The following ANKRD10 variants were observed in gnomAD, a reference collection of about 807,000 sequenced individuals.
The protein encoded by ANKRD10 is ankyrin repeat domain 10, also known as ankyrin repeat domain-containing protein 10.
ANKRD10 carries 14 observed loss-of-function variants against 27.0 expected under a neutral mutation model. The observed-to-expected ratio is 0.52, with a 90% CI of 0.34 to 0.81. ANKRD10 has a LOEUF of 0.81. ANKRD10 is among the 40% of genes least tolerant of loss of function. The probability of loss-of-function intolerance (pLI) is 0.01; values close to 1 mark genes in which losing one functional copy is unlikely to be tolerated. For synonymous variants in ANKRD10, 250 were observed against 224.5 expected (o/e 1.11, Z -1.01); for missense variants, 493 against 544.0 (o/e 0.91, Z 0.93).
intron 1 of ANKRD10, among the ~76,000 whole-genome samples, chr13:110,911,237 G>A (rs932065635): frequency 6.6e-6 from 1 of 151,842 alleles, no homozygotes; most frequent in Non-Finnish European, 1.5e-5. Flanking sequence ...ATCACTTGAG[G>A]TCAGGAATTC....
intron 3 of ANKRD10, among the ~76,000 whole-genome samples, chr13:110,905,662 G>A (rs1036391375): frequency 2.6e-5 from 4 of 152,294 alleles, no homozygotes; most frequent in Middle Eastern, 3.4e-3. Context: ...TCCAATCCAA[G>A]CTTCTTGTTT....
At chr13:110,880,704 A>G (rs2064800281) in intron 5 of ANKRD10, among the ~76,000 whole-genome samples, 1 of 152,244 alleles carries the variant, frequency 6.6e-6, no homozygotes, top group Non-Finnish European at 1.5e-5. Flanking sequence ...CAGGGCTATT[A>G]AAAGGAACCA....
chr13:110,883,586 GAC>G (rs777958148), intron 5 of ANKRD10, 110 bp downstream of exon 5: 5 of 1,489,948 alleles, frequency 3.4e-6, no homozygotes, highest in African/African-American at 1.4e-5. Context: ...CTGCATTGCT[GAC>G]ACAGTATATA....
intron 1 of ANKRD10, 54 bp downstream of exon 1, chr13:110,914,671 C>A: frequency 6.6e-7 from 1 of 1,515,454 alleles, no homozygotes; most frequent in African/African-American, 1.4e-5. Flanking sequence ...CCCGCTTTCC[C>A]CGACTCCCAC....
rs1291080801 is a variant in ANKRD10 at position 110,914,884 on chromosome 13, C to T, written c.51G>A (p.Glu17=). 2.6e-6 allele frequency: 4 copies of T among 1,543,000 alleles called. No individual in the cohort carries two copies. The highest frequency in any genetic ancestry group is 3.5e-6 in the Non-Finnish European group (4 of 1,147,534). The change falls in exon 1 of 6, where the codon GAG becomes GAA. Residue 17 remains glutamate (E), a synonymous_variant. Coordinates refer to ENST00000267339, the MANE Select transcript of ANKRD10 (RefSeq NM_017664.4). Reference sequence around the variant, plus strand: ...GCGGGAAACGGAGCGAGAGCAGCTCCTCGCTGGAGAAGCCCGCCTCTACGC... The same window carrying T: ...GCGGGAAACGGAGCGAGAGCAGCTCTTCGCTGGAGAAGCCCGCCTCTACGC... The part of the protein sequence containing the change: ...GAGVEAGFSS[E]ELLSLRFPLH...
chr13:110,911,941 A>AT (rs1008978638), intron 1 of ANKRD10, among the ~76,000 whole-genome samples: 4 of 152,112 alleles, frequency 2.6e-5, no homozygotes, highest in East Asian at 1.9e-4. Context: ...CATTCTCCAC[A>AT]TTTTTTTACT....
chr13:110,905,947 G>A, intron 3 of ANKRD10, 86 bp downstream of exon 3: 1 of 1,254,716 alleles, frequency 8.0e-7, no homozygotes, highest in South Asian at 1.4e-5. Context: ...CAAAGTTTTA[G>A]GACTTTTGCC....
intron 3 of ANKRD10, among the ~76,000 whole-genome samples, chr13:110,893,937 G>T (rs2065150205): frequency 1.3e-5 from 2 of 152,136 alleles, no homozygotes. Context: ...TTTGAATACT[G>T]TCCTAAAAAC....
intron 4 of ANKRD10, among the ~76,000 whole-genome samples, chr13:110,888,303 A>G (rs1594552869): frequency 1.3e-5 from 2 of 151,824 alleles, no homozygotes; most frequent in South Asian, 4.2e-4. Flanking sequence ...GGTTTGCTCA[A>G]ATGGAGACTT....
intron 1 of ANKRD10, among the ~76,000 whole-genome samples, chr13:110,914,067 T>G (rs1594655316): frequency 6.6e-6 from 1 of 152,210 alleles, no homozygotes; most frequent in Non-Finnish European, 1.5e-5. Flanking sequence ...CTAATTTTGC[T>G]GAAGCGGGGC....
At chr13:110,900,052 C>T (rs2065342175) in intron 3 of ANKRD10, among the ~76,000 whole-genome samples, 2 of 150,704 alleles carry the variant, frequency 1.3e-5, no homozygotes, top group South Asian at 4.2e-4. Flanking sequence ...TCTCTTCAAA[C>T]ACTCAAATTT....
intron 3 of ANKRD10, among the ~76,000 whole-genome samples, chr13:110,900,279 T>C (rs987353744): frequency 4.6e-5 from 7 of 152,184 alleles, no homozygotes; most frequent in African/African-American, 1.4e-4. Context: ...ATACCTGAAG[T>C]ATAATTTTTA....
At position 110,915,042 on chromosome 13, in the gene ANKRD10, G is replaced by A. The variant is rs1014152118; in HGVS notation, c.-108C>T. 6 of 1,428,692 alleles carry A rather than the reference G, an allele frequency of 4.2e-6. No homozygotes were observed. The highest frequency in any genetic ancestry group is 1.5e-5 in the African/African-American group (1 of 67,608). 88.5% of individuals were successfully genotyped at this position (1,428,692 alleles called of 1,614,324 possible). On this transcript the variant is annotated 5_prime_UTR_variant, in exon 1 of 6. In the 5' UTR this introduces an upstream ATG that the reference lacks. Transcript: ENST00000267339. ...GGAACGAGACTAGCGCCGCGGTCGCGTCCCACAGGCTGCCGAGCGGAGCGC... is the reference window on the plus strand; with the variant it reads ...GGAACGAGACTAGCGCCGCGGTCGCATCCCACAGGCTGCCGAGCGGAGCGC...
chr13:110,882,426 T>G (rs1163586757), intron 5 of ANKRD10, among the ~76,000 whole-genome samples: 1 of 152,174 alleles, frequency 6.6e-6, no homozygotes, highest in Non-Finnish European at 1.5e-5. Context: ...AGTCAGAGTG[T>G]CATAAATCAA....
chr13:110,893,050 T>A lies in ANKRD10; in HGVS notation c.669A>T (p.Gly223=). ...KRCLEDSEDF[G]VKKARTEAQS... ...CACCTTCAGTTCTAGCTTTCTTTACTCCAAAGTCTTCTGAGTCTTCCAAGC... is the reference window on the plus strand; with the variant it reads ...CACCTTCAGTTCTAGCTTTCTTTACACCAAAGTCTTCTGAGTCTTCCAAGC... Residue 223 remains glycine (G), a synonymous_variant, in exon 4 of 6, where the codon GGA becomes GGT. Coordinates refer to ENST00000267339, the MANE Select transcript of ANKRD10 (RefSeq NM_017664.4). 2.5e-6 allele frequency: 4 copies of A among 1,614,186 alleles called. No individual in the cohort carries two copies. Among genetic ancestry groups the A allele is most frequent in the Non-Finnish European group, 3.4e-6 (4 of 1,180,020 alleles).
chr13:110,892,893 T>A, intron 4 of ANKRD10, 135 bp downstream of exon 4: 1 of 1,453,876 alleles, frequency 6.9e-7, no homozygotes, highest in Non-Finnish European at 9.0e-7. Context: ...ATCTCCACCG[T>A]CACCGCACAA....
intron 5 of ANKRD10, chr13:110,883,497 G>A (rs1451908975): frequency 6.1e-6 from 8 of 1,321,036 alleles, no homozygotes; most frequent in Middle Eastern, 2.8e-4. Flanking sequence ...AAAAGACACT[G>A]GACAACAAAG....
At chr13:110,914,590 G>A in intron 1 of ANKRD10, 135 bp downstream of exon 1, 6 of 1,330,012 alleles carry the variant, frequency 4.5e-6, no homozygotes, top group African/African-American at 1.5e-5. Flanking sequence ...TAGGCCCCTC[G>A]GGGCACAGGC....
intron 5 of ANKRD10, 104 bp from the exon 6 acceptor site, chr13:110,880,216 T>G: frequency 9.9e-7 from 1 of 1,005,232 alleles, no homozygotes; most frequent in Non-Finnish European, 1.4e-6. Flanking sequence ...TTTAGTTTCT[T>G]TTTTTTCCTT....
Sources: gnomAD v4.1 joint callset for allele counts (sites outside exome capture counted in the v4.1 genomes callset) on GRCh38, gnomAD v4.1.1 for gene constraint, MANE v1.5 for transcripts, NCBI Gene and HGNC (gene_info 2026-07-23, HGNC 2026-07-21) for gene names.